AKAP7: variants seen among roughly 807,000 people sequenced by gnomAD.
The protein encoded by AKAP7 is A-kinase anchoring protein 7.
A neutral mutation model predicts 39.5 loss-of-function variants in AKAP7; 39 were observed. The observed-to-expected ratio is 0.99, with a 90% confidence interval of 0.76 to 1.29. The LOEUF is 1.29. Among genes scored for constraint, AKAP7 ranks in the 50% most tolerant of loss-of-function variants. The pLI, the probability that AKAP7 is intolerant of heterozygous loss-of-function variation, is 0.00. For synonymous variants in AKAP7, 140 were observed against 139.1 expected (o/e 1.01, Z -0.05); for missense variants, 414 against 407.7 (o/e 1.02, Z -0.13).
chr6:131,142,877 C>T (rs997289201), intron 1 of AKAP7, among the ~76,000 whole-genome samples: 9 of 152,250 alleles, frequency 5.9e-5, no homozygotes, highest in African/African-American at 9.6e-5. Flanking sequence ...TGTCTTGCTC[C>T]AGTGTGCCCT....
At chr6:131,135,882 C>T (rs1487425270) in intron 1 of AKAP7, 100 bp downstream of exon 1, 68 of 1,177,312 alleles carry the variant, frequency 5.8e-5, no homozygotes, top group East Asian at 9.9e-5. Flanking sequence ...TGACCCGCGC[C>T]GGCCCTTCTC....
At chr6:131,230,491 G>A (rs577708673) in intron 7 of AKAP7, among the ~76,000 whole-genome samples, 29 of 152,166 alleles carry the variant, frequency 1.9e-4, no homozygotes, top group Admixed American at 3.9e-4. Context: ...CTGGAAATTA[G>A]ACCTTTGTTG....
At chr6:131,236,057 A>C (rs1207972942) in intron 7 of AKAP7, among the ~76,000 whole-genome samples, 3 of 152,188 alleles carry the variant, frequency 2.0e-5, no homozygotes, top group Non-Finnish European at 2.9e-5. Flanking sequence ...TTAAGTCTTT[A>C]ATCCAACTTG....
chr6:131,176,233 G>A (rs1476661535), intron 5 of AKAP7, among the ~76,000 whole-genome samples: 2 of 151,676 alleles, frequency 1.3e-5, no homozygotes, highest in Non-Finnish European at 2.9e-5. Flanking sequence ...AAGGTGTATG[G>A]CATCAGAGGC....
chr6:131,276,539 A>G (rs568194351), intron 7 of AKAP7, among the ~76,000 whole-genome samples: 97 of 152,160 alleles, frequency 6.4e-4, no homozygotes, highest in African/African-American at 2.1e-3. Flanking sequence ...TGGACAAAAG[A>G]AAAGGTAAGC....
chr6:131,189,667 C>G (rs1806217328), intron 5 of AKAP7, among the ~76,000 whole-genome samples: 1 of 151,930 alleles, frequency 6.6e-6, no homozygotes, highest in Non-Finnish European at 1.5e-5. Flanking sequence ...ATATGTAAAG[C>G]CTAAAAAACA....
At chr6:131,272,501 T>C (rs1814371467) in intron 7 of AKAP7, among the ~76,000 whole-genome samples, 1 of 152,222 alleles carries the variant, frequency 6.6e-6, no homozygotes, top group Non-Finnish European at 1.5e-5. Context: ...TATAAGCACT[T>C]AGTGTATAAA....
At position 131,281,830 on chromosome 6, in the gene AKAP7, G is replaced by C; in HGVS notation, c.*104G>C. Reference sequence around the variant, plus strand: ...GTGCTGTTTAAGTTAAGTTTCTCTGGTGCAATCTGTGAAGATTGCCTAATA... The same window carrying C: ...GTGCTGTTTAAGTTAAGTTTCTCTGCTGCAATCTGTGAAGATTGCCTAATA... On this transcript the variant is annotated 3_prime_UTR_variant, in exon 8 of 8. Transcript: ENST00000431975. This position sits in a 1 kb window ranked among gnomAD's most constrained non-coding sequence, Gnocchi z 4.0. The C allele has an allele frequency of 7.4e-7, 1 of 1,346,440 alleles. No individual in the cohort carries two copies. The allele number at this position is 1,346,440 out of a possible 1,614,324, so 83.4% of individuals were successfully genotyped here.
chr6:131,225,254 T>G (rs1032420540), intron 7 of AKAP7, among the ~76,000 whole-genome samples: 1 of 152,006 alleles, frequency 6.6e-6, no homozygotes, highest in East Asian at 1.9e-4. Flanking sequence ...GCTTTTTAAG[T>G]TTTTTTTGGA....
intron 7 of AKAP7, among the ~76,000 whole-genome samples, chr6:131,231,343 C>T (rs1012819843): frequency 6.6e-6 from 1 of 151,834 alleles, no homozygotes; most frequent in Admixed American, 6.6e-5. Flanking sequence ...GTATGATAGG[C>T]AGGACCAAAA....
At chr6:131,207,658 T>C (rs1278594485) in intron 6 of AKAP7, among the ~76,000 whole-genome samples, 1 of 151,880 alleles carries the variant, frequency 6.6e-6, no homozygotes, top group African/African-American at 2.4e-5. Flanking sequence ...TTAGTGAAAC[T>C]GAGAGGTAGA....
chr6:131,148,337 T>C (rs1386029127), intron 2 of AKAP7, among the ~76,000 whole-genome samples: 1 of 152,184 alleles, frequency 6.6e-6, no homozygotes, highest in Admixed American at 6.5e-5. Context: ...TGTGGGAAGA[T>C]GGATTGAAAA....
intron 6 of AKAP7, among the ~76,000 whole-genome samples, chr6:131,217,272 G>C (rs1460735861): frequency 6.6e-6 from 1 of 152,010 alleles, no homozygotes; most frequent in Non-Finnish European, 1.5e-5. Flanking sequence ...ATCCACTTTT[G>C]AGGTCCCATT....
the AKAP7 span, among the ~76,000 whole-genome samples, chr6:131,126,530 G>T: frequency 2.0e-5 from 3 of 152,208 alleles, no homozygotes; most frequent in East Asian, 3.9e-4. Context: ...TTAAGATTAG[G>T]TTCAATCTCT....
chr6:131,155,807 A>G (rs1409739521), intron 2 of AKAP7, among the ~76,000 whole-genome samples: 7 of 152,128 alleles, frequency 4.6e-5, no homozygotes, highest in South Asian at 2.1e-4. Context: ...AGTTTATTCT[A>G]TTTGGTGCCC....
intron 2 of AKAP7, among the ~76,000 whole-genome samples, chr6:131,154,665 T>C (rs1272312390): frequency 1.3e-5 from 2 of 152,014 alleles, no homozygotes. Flanking sequence ...TAAGAAAAAA[T>C]TCAAAATATC....
intron 5 of AKAP7, among the ~76,000 whole-genome samples, chr6:131,170,289 A>G (rs2128245360): frequency 7.6e-6 from 1 of 131,578 alleles, no homozygotes; most frequent in Admixed American, 7.9e-5. Context: ...CTAAAACTTA[A>G]AGTATAATTT....
At chr6:131,270,912 T>C (rs940849101) in intron 7 of AKAP7, among the ~76,000 whole-genome samples, 3 of 152,216 alleles carry the variant, frequency 2.0e-5, no homozygotes, top group Non-Finnish European at 1.5e-5. Flanking sequence ...GCCGTTTTTG[T>C]ATTTGGTTGC....
At chr6:131,149,123 C>A (rs955135489) in intron 2 of AKAP7, among the ~76,000 whole-genome samples, 2 of 152,118 alleles carry the variant, frequency 1.3e-5, no homozygotes, top group African/African-American at 4.8e-5. Context: ...GCCTTCAGTG[C>A]GAATGTGGTA....
Sources: allele counts gnomAD v4.1 joint callset (sites outside exome capture counted in the v4.1 genomes callset), GRCh38; gene constraint gnomAD v4.1.1; non-coding constraint Gnocchi (gnomAD v3.1); transcripts MANE v1.5; gene names NCBI Gene and HGNC (gene_info 2026-07-23, HGNC 2026-07-21).